Variants in KCNIP4 observed in about 807,000 individuals in gnomAD.
KCNIP4 encodes the protein Kv channel-interacting protein 4.
In KCNIP4, 12 loss-of-function variants were observed where a neutral mutation model predicts 34.0. That is an observed-to-expected ratio of 0.35 (90% CI 0.23 to 0.57). KCNIP4 has a LOEUF of 0.57. KCNIP4 is among the 20% of genes least tolerant of loss of function. The pLI is 0.83. For missense variants in KCNIP4, 238 were observed against 311.7 expected (o/e 0.76, Z 1.78); for synonymous variants, 124 against 102.2 (o/e 1.21, Z -1.29).
At chr4:21,072,057 G>C (rs1744991814) in intron 1 of KCNIP4, among the ~76,000 whole-genome samples, 3 of 152,146 alleles carry the variant, frequency 2.0e-5, no homozygotes, top group Admixed American at 1.3e-4. Flanking sequence ...GGACATTTGG[G>C]TTGGTTCCAA....
At chr4:21,925,078 T>A (rs1354703765) in intron 1 of KCNIP4, among the ~76,000 whole-genome samples, 1 of 151,878 alleles carries the variant, frequency 6.6e-6, no homozygotes, top group Admixed American at 6.6e-5. Flanking sequence ...CATTTTTTTC[T>A]TTTTTTTATT....
At chr4:21,634,792 G>C (rs1746010795) in intron 1 of KCNIP4, among the ~76,000 whole-genome samples, 1 of 152,128 alleles carries the variant, frequency 6.6e-6, no homozygotes, top group Non-Finnish European at 1.5e-5. Flanking sequence ...AAATGGTAAA[G>C]ACCTGGTTTG....
At chr4:21,648,075 G>A (rs548923573) in intron 1 of KCNIP4, among the ~76,000 whole-genome samples, 98 of 151,416 alleles carry the variant, frequency 6.5e-4, no homozygotes, top group African/African-American at 2.1e-3. Context: ...GGGTTTCACC[G>A]TGTTAGTGAG....
chr4:20,971,971 G>A (rs1445555878), intron 1 of KCNIP4, among the ~76,000 whole-genome samples: 2 of 152,176 alleles, frequency 1.3e-5, no homozygotes, highest in Admixed American at 1.3e-4. Flanking sequence ...TCTTCACCAG[G>A]AGTCAATTCC....
chr4:21,221,911 T>A (rs942671105), intron 1 of KCNIP4, among the ~76,000 whole-genome samples: 4 of 152,220 alleles, frequency 2.6e-5, no homozygotes, highest in African/African-American at 7.2e-5. Context: ...TTTTTCCTGT[T>A]CCTGTTCTTT....
intron 1 of KCNIP4, among the ~76,000 whole-genome samples, chr4:21,895,483 G>A (rs1727332721): frequency 6.6e-6 from 1 of 152,134 alleles, no homozygotes; most frequent in African/African-American, 2.4e-5. Flanking sequence ...CTTATTAGCT[G>A]TGTAACCACA....
At chr4:20,879,807 A>G (rs998760666) in intron 2 of KCNIP4, among the ~76,000 whole-genome samples, 27 of 152,320 alleles carry the variant, frequency 1.8e-4, no homozygotes, top group African/African-American at 5.8e-4. Context: ...AAATTTTCTA[A>G]TATAAATTGG....
At chr4:21,487,920 A>G (rs1041967330) in intron 1 of KCNIP4, among the ~76,000 whole-genome samples, 4 of 152,022 alleles carry the variant, frequency 2.6e-5, no homozygotes, top group Admixed American at 2.6e-4. Context: ...TTCATGTTCA[A>G]CTTGCTTATG....
Position 20,882,697 on chromosome 4 carries a change from G to A in KCNIP4, c.74C>T (p.Ala25Val), listed in dbSNP as rs779835343. The A allele has an allele frequency of 6.2e-7, 1 of 1,613,164 alleles. No homozygotes were observed. The highest frequency in any genetic ancestry group is 8.5e-7 in the Non-Finnish European group (1 of 1,179,506). ...EASSTGGFLY[A>V]QNSTKRSIKE... ...AATGCTGCGCTTGGTGCTGTTCTGA[G>A]CGTACAGGAAACCTAGAAGATACAG... Residue 25 changes from alanine (A) to valine (V), a missense_variant, in exon 2 of 9, where the codon GCT becomes GTT. Transcript: ENST00000382152.
At chr4:21,872,066 G>T (rs1375883200) in intron 1 of KCNIP4, among the ~76,000 whole-genome samples, 1 of 151,942 alleles carries the variant, frequency 6.6e-6, no homozygotes, top group Non-Finnish European at 1.5e-5. Flanking sequence ...CTTGTCCCCT[G>T]GTAGATAGAA....
At chr4:21,944,714 A>G (rs1730406352) in intron 1 of KCNIP4, among the ~76,000 whole-genome samples, 1 of 152,226 alleles carries the variant, frequency 6.6e-6, no homozygotes, top group African/African-American at 2.4e-5. Context: ...AGTGGTGGAC[A>G]GGACAGAATA....
At chr4:21,053,252 T>C (rs1743091283) in intron 1 of KCNIP4, among the ~76,000 whole-genome samples, 1 of 152,194 alleles carries the variant, frequency 6.6e-6, no homozygotes, top group African/African-American at 2.4e-5. Flanking sequence ...AAGTCAGAGA[T>C]ATTTTTATGC....
At chr4:21,381,743 T>C (rs1721526407) in intron 1 of KCNIP4, among the ~76,000 whole-genome samples, 1 of 152,216 alleles carries the variant, frequency 6.6e-6, no homozygotes, top group African/African-American at 2.4e-5. Context: ...TCAGCCATTT[T>C]GGAATTACCA....
intron 3 of KCNIP4, among the ~76,000 whole-genome samples, chr4:20,776,809 A>G (rs890869568): frequency 1.3e-5 from 2 of 152,212 alleles, no homozygotes; most frequent in Non-Finnish European, 2.9e-5. Context: ...ATTACTGTAG[A>G]TTATATGTTA....
intron 1 of KCNIP4, among the ~76,000 whole-genome samples, chr4:21,598,551 A>G (rs542258854): frequency 5.3e-5 from 8 of 152,060 alleles, no homozygotes; most frequent in African/African-American, 1.9e-4. Flanking sequence ...GGGTTTATCA[A>G]CTCCTATGAT....
rs1418553424 is a variant in KCNIP4 at position 21,797,546 on chromosome 4, T to A, written c.61+151025A>T. ...ATGTCTTATGCTTTTGTATGTCTTA[T>A]AAAAAGGTCTCAATTTTATTTGAGT... is the stretch of plus-strand genomic sequence containing the variant. On this transcript the variant is annotated intron_variant, in intron 1 of 8. Transcript: ENST00000382152. Among the ~76,000 whole-genome samples the A allele has an allele frequency of 3.3e-5, 5 of 152,314 alleles. No homozygotes were observed. The East Asian group carries it at 7.7e-4, about 24-fold the overall frequency.
chr4:20,888,383 T>G (rs1378928117), intron 1 of KCNIP4, among the ~76,000 whole-genome samples: 1 of 152,190 alleles, frequency 6.6e-6, no homozygotes, highest in Non-Finnish European at 1.5e-5. Flanking sequence ...TGTCTCAGTA[T>G]GTGCAGATTT....
intron 1 of KCNIP4, among the ~76,000 whole-genome samples, chr4:21,400,617 T>A (rs1028968241): frequency 1.5e-4 from 23 of 151,492 alleles, no homozygotes; most frequent in African/African-American, 5.3e-4. Flanking sequence ...GCTTTTCTAG[T>A]AATTATGATG....
chr4:21,669,412 T>C (rs996366973), intron 1 of KCNIP4, among the ~76,000 whole-genome samples: 1 of 152,252 alleles, frequency 6.6e-6, no homozygotes, highest in African/African-American at 2.4e-5. Flanking sequence ...ATTTTCTTAA[T>C]AACATTTTCT....
Sources: gnomAD v4.1 joint callset for allele counts (sites outside exome capture counted in the v4.1 genomes callset) on GRCh38, gnomAD v4.1.1 for gene constraint, MANE v1.5 for transcripts, NCBI Gene and HGNC (gene_info 2026-07-23, HGNC 2026-07-21) for gene names.